The following ZFP64 variants were observed in gnomAD, a reference collection of about 807,000 sequenced individuals.
The protein encoded by ZFP64 is ZFP64 zinc finger protein.
ZFP64 carries 14 observed loss-of-function variants against 51.6 expected under a neutral mutation model. The ratio of observed to expected loss-of-function variants is 0.27; its 90% confidence interval spans 0.18 to 0.42. The LOEUF is 0.42. ZFP64 is among the 10% of genes least tolerant of loss of function. ZFP64 has a pLI of 1.00. For missense variants in ZFP64, 754 were observed against 906.8 expected (o/e 0.83, Z 2.16); for synonymous variants, 375 against 361.4 (o/e 1.04, Z -0.43).
At chr20:52,176,636 A>C (rs1457207259) in intron 2 of ZFP64, among the ~76,000 whole-genome samples, 1 of 151,312 alleles carries the variant, frequency 6.6e-6, no homozygotes, top group African/African-American at 2.4e-5. Context: ...CAGCCTCCCG[A>C]GTAGCTGGGA....
At chr20:52,148,706 G>GAAAAAAAAA, downstream of ZFP64, among the ~76,000 whole-genome samples, 1 of 121,970 alleles carries the variant, frequency 8.2e-6, no homozygotes. Context: ...CTCAAAACAA[G>GAAAAAAAAA]AAAAAAAAAA....
rs749256686 is a variant in ZFP64, at chr20:52,191,549, A to C, written c.46+42T>G. 22 of 1,524,902 alleles carry C rather than the reference A, an allele frequency of 1.4e-5. No individual in the cohort carries two copies. The highest frequency in any genetic ancestry group is 1.8e-4 in the Middle Eastern group (1 of 5,598). 94.5% of individuals were successfully genotyped at this position (1,524,902 alleles called of 1,614,324 possible). ...CTTGGGCCCGGGCCCCGGAGCGCGC[A>C]CTGGGCCCCGGAGCGCGCACTGCTC... is the stretch of plus-strand genomic sequence containing the variant. On this transcript the variant is annotated intron_variant, in intron 1 of 5. Transcript: ENST00000216923. This position sits in a 1 kb window ranked among gnomAD's most constrained non-coding sequence, Gnocchi z 4.3.
At chr20:52,144,282 T>C (rs1980402756) in intron 5 of ZFP64, among the ~76,000 whole-genome samples, 1 of 141,492 alleles carries the variant, frequency 7.1e-6, no homozygotes, top group East Asian at 2.5e-4. Flanking sequence ...GAAAGAAGTA[T>C]TAAAATAAAA....
intron 2 of ZFP64, among the ~76,000 whole-genome samples, chr20:52,171,566 T>C (rs952770809): frequency 3.9e-5 from 6 of 152,014 alleles, no homozygotes; most frequent in Non-Finnish European, 7.4e-5. Flanking sequence ...CTTGGCTCAC[T>C]GCAACCTCCG....
chr20:52,086,601 C>T (rs1161093579), intron 8 of ZFP64, among the ~76,000 whole-genome samples: 1 of 151,972 alleles, frequency 6.6e-6, no homozygotes, highest in African/African-American at 2.4e-5. Context: ...CCTCAGCCTC[C>T]CGAGTAGCTG....
At chr20:52,142,377 G>GACACACACACACACATGCGCGC (rs1980300918) in intron 5 of ZFP64, among the ~76,000 whole-genome samples, 2 of 118,370 alleles carry the variant, frequency 1.7e-5, no homozygotes, top group Non-Finnish European at 3.7e-5. Flanking sequence ...CACACACACA[G>GACACACACACACACATGCGCGC]ACACACACAC....
intron 7 of ZFP64, chr20:52,088,843 G>T (rs749207693): frequency 9.6e-5 from 72 of 746,314 alleles, no homozygotes; most frequent in Non-Finnish European, 1.5e-4. Context: ...AATCCTAAGG[G>T]AAAGATGACA....
chr20:52,098,172 CAAAAAA>C (rs34173401), intron 6 of ZFP64, among the ~76,000 whole-genome samples: 3 of 124,060 alleles, frequency 2.4e-5, no homozygotes, highest in African/African-American at 6.2e-5. Flanking sequence ...AAACTGTCTC[CAAAAAA>C]AAAAAAAAAA....
Position 52,160,298 on chromosome 20 carries a change from G to A in ZFP64, c.588C>T (p.Cys196=). 1 of 1,614,222 alleles carries A rather than the reference G, an allele frequency of 6.2e-7. No individual in the cohort carries two copies. The highest frequency in any genetic ancestry group is 1.1e-5 in the South Asian group (1 of 91,086). ...ACTTGTAGGGCTTCACGCCCGTGTGGCACCGCATGTGAGTTTTCAGCTTGT... is the reference window on the plus strand; with the variant it reads ...ACTTGTAGGGCTTCACGCCCGTGTGACACCGCATGTGAGTTTTCAGCTTGT... ...RKDKLKTHMR[C]HTGVKPYKCK... Residue 196 remains cysteine, a synonymous_variant, in exon 5 of 6, where the codon TGC becomes TGT. Transcript: ENST00000216923. The surrounding 1 kb of genome is among the most constrained non-coding windows in gnomAD (Gnocchi z 4.2).
chr20:52,170,583 T>G (rs1469728240), intron 2 of ZFP64, among the ~76,000 whole-genome samples: 3 of 152,254 alleles, frequency 2.0e-5, no homozygotes, highest in African/African-American at 7.2e-5. Flanking sequence ...AGAAAGGGTT[T>G]GCTCCAGAGC....
chr20:52,136,927 G>A (rs2122897821), intron 5 of ZFP64, among the ~76,000 whole-genome samples: 1 of 152,180 alleles, frequency 6.6e-6, no homozygotes, highest in East Asian at 1.9e-4. Context: ...ACCACACCCA[G>A]CTAATTTTTG....
intron 2 of ZFP64, among the ~76,000 whole-genome samples, chr20:52,175,238 T>A (rs549602788): frequency 1.3e-5 from 2 of 152,318 alleles, no homozygotes; most frequent in Non-Finnish European, 2.9e-5. Context: ...TTCTCCTGCC[T>A]AAGCTTCCTG....
intron 5 of ZFP64, among the ~76,000 whole-genome samples, chr20:52,112,095 A>AAC (rs1555881080): frequency 2.1e-4 from 30 of 140,432 alleles, no homozygotes; most frequent in African/African-American, 7.2e-4. Context: ...AAAAAAAAAA[A>AAC]AAAAACAAAA....
rs1023791787 is a variant in ZFP64 at position 52,135,904 on chromosome 20, G to T, written c.763+24219C>A. Among the ~76,000 whole-genome samples, 7 of 151,744 alleles carry T rather than the reference G, an allele frequency of 4.6e-5. No individual in the cohort carries two copies. In the South Asian group the frequency reaches 8.3e-4, roughly 18 times the overall value. On this transcript the variant is annotated intron_variant, in intron 5 of 8. Coordinates refer to the ZFP64 transcript ENST00000361387. The stretch of plus-strand genomic sequence containing the variant: ...ATTTGAGGTCAGGAGTTCGAGACCA[G>T]CCTGGCCAACATGGTGAAACCCTGC...
chr20:52,155,487 T>C (rs1253071092), intron 5 of ZFP64, among the ~76,000 whole-genome samples: 1 of 152,264 alleles, frequency 6.6e-6, no homozygotes, highest in Non-Finnish European at 1.5e-5. Context: ...TTTCCAGTTA[T>C]ATCCCTGTCA....
chr20:52,137,868 C>T (rs1433154619), intron 5 of ZFP64, among the ~76,000 whole-genome samples: 1 of 151,990 alleles, frequency 6.6e-6, no homozygotes, highest in African/African-American at 2.4e-5. Context: ...ATATATTTAA[C>T]AATCATTGTT....
intron 2 of ZFP64, among the ~76,000 whole-genome samples, chr20:52,180,877 C>A (rs1357886375): frequency 1.3e-5 from 2 of 152,160 alleles, no homozygotes; most frequent in African/African-American, 4.8e-5. Context: ...AGCAGTCTGT[C>A]TCAGGACCCC....
chr20:52,110,739 T>C (rs956875601), intron 5 of ZFP64: 6 of 1,594,942 alleles, frequency 3.8e-6, no homozygotes, highest in Non-Finnish European at 5.2e-6. Flanking sequence ...CCCCAGTACA[T>C]GGGACTGGGT....
At chr20:52,180,922 T>C (rs1355570111) in intron 2 of ZFP64, among the ~76,000 whole-genome samples, 1 of 152,148 alleles carries the variant, frequency 6.6e-6, no homozygotes, top group Non-Finnish European at 1.5e-5. Context: ...CCCCTGTTTA[T>C]TTTTTTATTT....
Sources: allele counts gnomAD v4.1 joint callset (sites outside exome capture counted in the v4.1 genomes callset), GRCh38; gene constraint gnomAD v4.1.1; non-coding constraint Gnocchi (gnomAD v3.1); transcripts MANE v1.5; gene names NCBI Gene and HGNC (gene_info 2026-07-23, HGNC 2026-07-21).